Variants in PHF20L1 observed in about 807,000 individuals in gnomAD.
The protein encoded by PHF20L1 is PHD finger protein 20 like 1.
In PHF20L1, 44 loss-of-function variants were observed where a neutral mutation model predicts 125.5. The observed-to-expected ratio is 0.35, with a 90% CI of 0.28 to 0.45. PHF20L1 has a LOEUF of 0.45. Ranked by LOEUF, PHF20L1 falls within the 20% of genes least tolerant of loss-of-function variation. PHF20L1 has a pLI of 1.00. For missense variants in PHF20L1, 1,012 were observed against 1,217.2 expected (o/e 0.83, Z 2.51); for synonymous variants, 380 against 403.1 (o/e 0.94, Z 0.69).
chr8:132,838,643 TAAGTCACAAAA>T (rs1261348397), intron 17 of PHF20L1: 1 of 152,104 alleles, frequency 6.6e-6, no homozygotes, highest in Non-Finnish European at 1.5e-5. Flanking sequence ...AAAGTCACAA[TAAGTCACAAAA>T]AAGTCACAGT....
intron 18 of PHF20L1, among the ~76,000 whole-genome samples, chr8:132,840,794 T>A (rs1837855975): frequency 6.6e-6 from 1 of 152,162 alleles, no homozygotes; most frequent in Non-Finnish European, 1.5e-5. Context: ...CCACGCATAC[T>A]TGTGTCAGCC....
At chr8:132,793,594 TC>T (rs1832031521) in intron 2 of PHF20L1, among the ~76,000 whole-genome samples, 1 of 152,112 alleles carries the variant, frequency 6.6e-6, no homozygotes, top group East Asian at 1.9e-4. Context: ...AAAAATTGAG[TC>T]ATCTGTTAAC....
At chr8:132,781,701 G>A (rs1487987097) in intron 2 of PHF20L1, among the ~76,000 whole-genome samples, 3 of 152,216 alleles carry the variant, frequency 2.0e-5, no homozygotes, top group African/African-American at 4.8e-5. Context: ...ACAGTGCTGG[G>A]ATTACAGGCG....
At chr8:132,816,125 T>C (rs1834953881) in intron 10 of PHF20L1, 1 of 151,940 alleles carries the variant, frequency 6.6e-6, no homozygotes, top group African/African-American at 2.4e-5. Flanking sequence ...TAATCTTGCC[T>C]ATTCTAGTCA....
Position 132,842,791 on chromosome 8 carries a change from T to C in PHF20L1, c.2664T>C (p.Ser888=). 6.2e-7 allele frequency: 1 copy of C among 1,613,166 alleles called. No homozygotes were observed. Among genetic ancestry groups the C allele is most frequent in the Non-Finnish European group, 8.5e-7 (1 of 1,179,436 alleles). ...DPGSSDDDDV[S]SLEEEQEFHM... is the part of the protein sequence containing the mutation. Reference sequence around the variant, plus strand: ...GGAGCTCAGATGATGATGATGTTAGTAGTTTGGAAGAAGAACAAGAATTCC... The same window carrying C: ...GGAGCTCAGATGATGATGATGTTAGCAGTTTGGAAGAAGAACAAGAATTCC... The change falls in exon 19 of 21, where the codon AGT becomes AGC. Residue 888 remains serine (S), a synonymous_variant. Coordinates refer to ENST00000395386, the MANE Select transcript of PHF20L1 (RefSeq NM_016018.5).
intron 13 of PHF20L1, 61 bp from the exon 14 acceptor site, chr8:132,825,203 A>G (rs1318253444): frequency 1.3e-6 from 2 of 1,582,218 alleles, no homozygotes; most frequent in Non-Finnish European, 8.6e-7. Context: ...TTTTAGGTTA[A>G]CCACAAAGGA....
In PHF20L1 at chr8:132,839,411, G is replaced by A. The variant is rs369386336; in HGVS notation, c.2216G>A (p.Arg739His). 5.0e-6 allele frequency: 8 copies of A among 1,612,936 alleles called. No homozygotes were observed. The highest frequency in any genetic ancestry group is 2.2e-5 in the East Asian group (1 of 44,862). Residue 739 changes from arginine to histidine, a missense_variant, in exon 18 of 21, where the codon CGT (arginine) becomes CAT (histidine). Arg to His is a conservative substitution (Grantham distance 29). Transcript: ENST00000395386. The part of the protein sequence containing the change: ...PPGQRWSAKY[R>H]YDKEWLNNGR... ...GGTCAGAGGTGGAGTGCAAAATATC[G>A]TTATGATAAGGAGTGGTTGAATAAT... is the stretch of plus-strand genomic sequence containing the variant.
intron 17 of PHF20L1, chr8:132,838,080 A>G (rs1166743257): frequency 7.1e-6 from 2 of 280,832 alleles, no homozygotes; most frequent in Non-Finnish European, 1.4e-5. Context: ...GTGAGGACTC[A>G]CTGTACTTCT....
At chr8:132,813,037 CAA>C in intron 9 of PHF20L1, 2 of 952,640 alleles carry the variant, frequency 2.1e-6, no homozygotes, top group African/African-American at 1.8e-5. Context: ...GTTTTAAAAA[CAA>C]TGTTAATTTT....
chr8:132,827,068 G>T (rs1332794297), intron 14 of PHF20L1, among the ~76,000 whole-genome samples: 2 of 151,716 alleles, frequency 1.3e-5, no homozygotes, highest in Non-Finnish European at 2.9e-5. Context: ...TCAAAATGGG[G>T]TTCAAAGCTT....
At chr8:132,792,488 A>G (rs1207435719) in intron 2 of PHF20L1, among the ~76,000 whole-genome samples, 1 of 152,110 alleles carries the variant, frequency 6.6e-6, no homozygotes, top group Non-Finnish European at 1.5e-5. Flanking sequence ...CCTCACCTAT[A>G]CTTACTCCCC....
intron 9 of PHF20L1, chr8:132,812,684 C>A (rs993087959): frequency 1.0e-5 from 10 of 984,598 alleles, no homozygotes; most frequent in Non-Finnish European, 1.2e-5. Flanking sequence ...TATTTTTATC[C>A]TATGTGTTAG....
chr8:132,831,845 C>A (rs576699739), intron 14 of PHF20L1, among the ~76,000 whole-genome samples: 3 of 152,098 alleles, frequency 2.0e-5, no homozygotes, highest in Non-Finnish European at 2.9e-5. Flanking sequence ...TGCTCTCCCC[C>A]ACTTCCCACA....
At chr8:132,815,328 A>C (rs1834843257) in intron 10 of PHF20L1, 1 of 151,922 alleles carries the variant, frequency 6.6e-6, no homozygotes, top group Non-Finnish European at 1.5e-5. Context: ...ACTTCAGTTT[A>C]ATCTTTTTAA....
At chr8:132,810,023 A>T (rs774324269) in intron 8 of PHF20L1, 3 of 151,852 alleles carry the variant, frequency 2.0e-5, no homozygotes, top group Non-Finnish European at 4.4e-5. Context: ...TTAATAATAC[A>T]GTTATATATT....
At chr8:132,779,892 C>T (rs766417002) in intron 2 of PHF20L1, among the ~76,000 whole-genome samples, 42 of 152,152 alleles carry the variant, frequency 2.8e-4, no homozygotes, top group Admixed American at 4.6e-4. Context: ...CTTATTTGAG[C>T]GGTGTCATGC....
chr8:132,795,630 A>G (rs1832296190), intron 4 of PHF20L1, among the ~76,000 whole-genome samples: 3 of 152,114 alleles, frequency 2.0e-5, no homozygotes, highest in Admixed American at 2.0e-4. Flanking sequence ...TTAATTTTCT[A>G]CTAAAGTTAT....
chr8:132,798,812 T>C lies in PHF20L1; in HGVS notation c.381T>C (p.Cys127=). The C allele has an allele frequency of 6.2e-7, 1 of 1,610,360 alleles. No homozygotes were observed. Among genetic ancestry groups the C allele is most frequent in the Non-Finnish European group, 8.5e-7 (1 of 1,177,760 alleles). Residue 127 remains cysteine (C), a synonymous_variant, in exon 5 of 21, where the codon TGT becomes TGC. Coordinates refer to ENST00000395386, the MANE Select transcript of PHF20L1 (RefSeq NM_016018.5). ...TVQFYDGVIR[C]LKRMHIKAMP... is the part of the protein sequence containing the mutation. Reference sequence around the variant, plus strand: ...AGTTTTATGATGGAGTAATTCGTTGTTTAAAAAGAATGCACATTAAAGCCA... The same window carrying C: ...AGTTTTATGATGGAGTAATTCGTTGCTTAAAAAGAATGCACATTAAAGCCA...
At position 132,775,415 on chromosome 8, in the gene PHF20L1, C is replaced by T. The variant is rs984975487; in HGVS notation, c.-268C>T. On this transcript the variant is annotated 5_prime_UTR_variant, in exon 1 of 21. Transcript: ENST00000395386. ...GGCTGGCCGGCGGCGGAGGCGGCGGCGGCGGCGGCGATGGCAGCGGACCCT... is the reference window on the plus strand; with the variant it reads ...GGCTGGCCGGCGGCGGAGGCGGCGGTGGCGGCGGCGATGGCAGCGGACCCT... 7 of 384,364 alleles carry T rather than the reference C, an allele frequency of 1.8e-5. No homozygotes were observed. The highest frequency in any genetic ancestry group is 1.3e-4 in the African/African-American group (6 of 47,710). 23.8% of individuals were successfully genotyped at this position (384,364 alleles called of 1,614,324 possible). A position where few individuals can be genotyped will look rare whatever the true frequency, so the allele number is the denominator to read the frequency against.
Sources: allele counts gnomAD v4.1 joint callset (sites outside exome capture counted in the v4.1 genomes callset), GRCh38; gene constraint gnomAD v4.1.1; transcripts MANE v1.5; gene names NCBI Gene and HGNC (gene_info 2026-07-23, HGNC 2026-07-21).